PAX2: variants seen among roughly 807,000 people sequenced by gnomAD.
PAX2 encodes paired box protein Pax-2.
PAX2 carries 9 observed loss-of-function variants against 41.7 expected under a neutral mutation model. That is an observed-to-expected ratio of 0.22 (90% CI 0.13 to 0.38). PAX2 has a LOEUF of 0.38. PAX2 is among the 10% of genes least tolerant of loss of function. PAX2 has a pLI of 1.00. For missense variants in PAX2, 418 were observed against 531.6 expected (o/e 0.79, Z 2.10); for synonymous variants, 221 against 212.7 (o/e 1.04, Z -0.34).
intron 5 of PAX2, among the ~76,000 whole-genome samples, chr10:100,802,557 T>C (rs1182423909): frequency 1.3e-5 from 2 of 152,182 alleles, no homozygotes; most frequent in Non-Finnish European, 2.9e-5. Flanking sequence ...GATGAGAGAC[T>C]GGGTGTCCTT....
intron 6 of PAX2, among the ~76,000 whole-genome samples, chr10:100,807,624 C>T (rs2133952743): frequency 6.6e-6 from 1 of 152,346 alleles, no homozygotes; most frequent in Admixed American, 6.5e-5. Context: ...GCCCCCAGAT[C>T]ACCAGCTCAG....
intron 5 of PAX2, among the ~76,000 whole-genome samples, chr10:100,798,131 A>G (rs1847404722): frequency 9.0e-6 from 1 of 111,594 alleles, no homozygotes; most frequent in Non-Finnish European, 1.7e-5. Context: ...TTTTTTTTAG[A>G]CAGGGTCAGG....
exon 1 of PAX2, chr10:100,735,495 A>T (rs1398066178): frequency 4.0e-6 from 1 of 249,856 alleles, no homozygotes; most frequent in South Asian, 1.7e-4. Context: ...GGGGTGCCGG[A>T]GCCTCTGCGC....
chr10:100,749,742 C>G lies in PAX2; in HGVS notation c.44-4C>G. On this transcript the variant is annotated splice_polypyrimidine_tract_variant and splice_region_variant and intron_variant, in intron 1 of 9. Coordinates refer to ENST00000355243, the MANE Select transcript of PAX2 (RefSeq NM_000278.5). ...TGTTGTGTTTTTTTCTTGTCTCTCC[C>G]CAGCAGGGCACGGGGGTGTGAACCA... is the stretch of plus-strand genomic sequence containing the variant. The G allele has an allele frequency of 6.2e-7, 1 of 1,608,642 alleles. No homozygotes were observed. Among genetic ancestry groups the G allele is most frequent in the Non-Finnish European group, 8.5e-7 (1 of 1,176,420 alleles).
At chr10:100,797,852 A>G (rs1847392321) in intron 5 of PAX2, among the ~76,000 whole-genome samples, 1 of 152,146 alleles carries the variant, frequency 6.6e-6, no homozygotes, top group East Asian at 1.9e-4. Flanking sequence ...CTGGTCCAGC[A>G]TTGTGTTAGG....
intron 5 of PAX2, among the ~76,000 whole-genome samples, chr10:100,784,322 A>G (rs561909916): frequency 2.0e-5 from 3 of 152,342 alleles, no homozygotes; most frequent in Non-Finnish European, 4.4e-5. Flanking sequence ...GACTGCAGCA[A>G]AAGAGAATAC....
chr10:100,739,909 A>C (rs1012732918), intron 1 of PAX2, among the ~76,000 whole-genome samples: 1 of 152,108 alleles, frequency 6.6e-6, no homozygotes, highest in Non-Finnish European at 1.5e-5. Flanking sequence ...AGGGGAGGGG[A>C]CAGCTGGCCA....
intron 5 of PAX2, among the ~76,000 whole-genome samples, chr10:100,805,036 A>T (rs1270675829): frequency 4.5e-4 from 50 of 111,370 alleles, no homozygotes; most frequent in Middle Eastern, 5.2e-3. Context: ...ACACACACAC[A>T]CACACACACA....
chr10:100,742,961 C>T (rs1845023575), upstream of PAX2, among the ~76,000 whole-genome samples: 1 of 141,186 alleles, frequency 7.1e-6, no homozygotes, highest in African/African-American at 2.7e-5. Flanking sequence ...GAGGAGCGGC[C>T]AGTGACTGGA....
Position 100,750,002 on chromosome 10 carries a change from C to T in PAX2, c.212+88C>T. 2.7e-6 allele frequency: 4 copies of T among 1,462,676 alleles called. No individual in the cohort carries two copies. The highest frequency in any genetic ancestry group is 3.7e-6 in the Non-Finnish European group (4 of 1,074,066). 90.6% of individuals were successfully genotyped at this position (1,462,676 alleles called of 1,614,324 possible). ...CCAGCTGGAGGACGTGGCTAAAAGTCCAGCGTGCCAAGCCAGAGAGGGAGA... is the reference window on the plus strand; with the variant it reads ...CCAGCTGGAGGACGTGGCTAAAAGTTCAGCGTGCCAAGCCAGAGAGGGAGA... On this transcript the variant is annotated intron_variant, in intron 2 of 9. Coordinates refer to ENST00000355243, the MANE Select transcript of PAX2 (RefSeq NM_000278.5). The surrounding 1 kb of genome is among the most constrained non-coding windows in gnomAD (Gnocchi z 4.1).
At chr10:100,806,870 G>C (rs930531598) in intron 6 of PAX2, among the ~76,000 whole-genome samples, 1 of 152,088 alleles carries the variant, frequency 6.6e-6, no homozygotes, top group Non-Finnish European at 1.5e-5. Context: ...TCAGAGCCTC[G>C]GTTTCCCCAT....
intron 7 of PAX2, among the ~76,000 whole-genome samples, chr10:100,817,618 G>A (rs995026196): frequency 3.9e-5 from 6 of 152,168 alleles, no homozygotes; most frequent in African/African-American, 1.4e-4. Context: ...ATTCAAGGTG[G>A]CAGTGGGAGC....
chr10:100,748,916 C>T lies in PAX2; in HGVS notation c.44-830C>T. 1.0e-6 allele frequency: 1 copy of T among 985,392 alleles called. No individual in the cohort carries two copies. The highest frequency in any genetic ancestry group is 1.2e-6 in the Non-Finnish European group (1 of 829,940). The allele number at this position is 985,392 out of a possible 1,614,324, so 61.0% of individuals were successfully genotyped here. A position where few individuals can be genotyped will look rare whatever the true frequency, so the allele number is the denominator to read the frequency against. ...GCCACCTGGGCGAGACGGTGGGCCC[C>T]AACCAGGCTCTGCGAGGCGCGGCAG... is the stretch of plus-strand genomic sequence containing the variant. On this transcript the variant is annotated intron_variant, in intron 1 of 9. Coordinates refer to ENST00000355243, the MANE Select transcript of PAX2 (RefSeq NM_000278.5). The surrounding 1 kb of genome is among the most constrained non-coding windows in gnomAD (Gnocchi z 5.0).
intron 3 of PAX2, among the ~76,000 whole-genome samples, chr10:100,778,252 G>A (rs1264804039): frequency 1.3e-5 from 2 of 152,002 alleles, no homozygotes; most frequent in Non-Finnish European, 2.9e-5. Flanking sequence ...TCTGATTTCA[G>A]CCCTACTTGG....
At chr10:100,762,641 C>T (rs970833513) in intron 3 of PAX2, among the ~76,000 whole-genome samples, 3 of 152,008 alleles carry the variant, frequency 2.0e-5, no homozygotes, top group African/African-American at 7.3e-5. Flanking sequence ...CTATGCTGCT[C>T]TCTGGATAAG....
At chr10:100,742,805 TTC>T (rs1430583934), upstream of PAX2, among the ~76,000 whole-genome samples, 2 of 150,488 alleles carry the variant, frequency 1.3e-5, no homozygotes, top group Non-Finnish European at 3.0e-5. Context: ...GTTGTTTTCT[TTC>T]TTTCTCTTTC....
At chr10:100,777,335 G>A (rs188267145) in intron 3 of PAX2, among the ~76,000 whole-genome samples, 17 of 151,278 alleles carry the variant, frequency 1.1e-4, no homozygotes, top group Admixed American at 4.0e-4. Flanking sequence ...TCCTGACCTC[G>A]TGATCTGCCT....
chr10:100,739,202 GC>G (rs1564700133), intron 1 of PAX2, among the ~76,000 whole-genome samples: 2 of 152,104 alleles, frequency 1.3e-5, no homozygotes, highest in African/African-American at 4.8e-5. Flanking sequence ...GTCCCACGAC[GC>G]CCCTTTCCTC....
At chr10:100,754,480 A>C (rs1845560538) in intron 3 of PAX2, among the ~76,000 whole-genome samples, 1 of 151,962 alleles carries the variant, frequency 6.6e-6, no homozygotes, top group Non-Finnish European at 1.5e-5. Context: ...CACTATCCAC[A>C]CTCTCTCTTA....
Sources: gnomAD v4.1 joint callset for allele counts (sites outside exome capture counted in the v4.1 genomes callset) on GRCh38, gnomAD v4.1.1 for gene constraint, Gnocchi (gnomAD v3.1) non-coding constraint, MANE v1.5 for transcripts, NCBI Gene and HGNC (gene_info 2026-07-23, HGNC 2026-07-21) for gene names.